MAPKBP1: variants seen among roughly 807,000 people sequenced by gnomAD.
MAPKBP1 encodes mitogen-activated protein kinase-binding protein 1.
MAPKBP1 carries 71 observed loss-of-function variants against 170.5 expected under a neutral mutation model. The observed-to-expected ratio is 0.42, with a 90% CI of 0.34 to 0.51. The LOEUF is 0.51. Ranked by LOEUF, MAPKBP1 falls within the 20% of genes least tolerant of loss-of-function variation. The pLI is 0.06. For missense variants in MAPKBP1, 1,598 were observed against 1,933.0 expected (o/e 0.83, Z 3.25); for synonymous variants, 719 against 757.9 (o/e 0.95, Z 0.84).
Position 41,818,102 on chromosome 15 carries a change from G to C in MAPKBP1, c.1980+18G>C. ...TCATTAAGGTAAGGACCCAGAGGGG[G>C]TACTGGACAGGGGCTCGGGGACAGA... is the stretch of plus-strand genomic sequence containing the variant. On this transcript the variant is annotated intron_variant, in intron 17 of 30. Coordinates refer to ENST00000457542, the MANE Select transcript of MAPKBP1 (RefSeq NM_014994.3). This position sits in a 1 kb window ranked among gnomAD's most constrained non-coding sequence, Gnocchi z 5.2. 6.2e-7 allele frequency: 1 copy of C among 1,613,644 alleles called. No individual in the cohort carries two copies. Among genetic ancestry groups the C allele is most frequent in the Admixed American group, 1.7e-5 (1 of 60,028 alleles).
chr15:41,794,525 A>T (rs1219434936), intron 2 of MAPKBP1, among the ~76,000 whole-genome samples: 2 of 152,198 alleles, frequency 1.3e-5, no homozygotes, highest in African/African-American at 4.8e-5. Flanking sequence ...TGTACCATTA[A>T]GTGCCCTTTC....
rs200972358 is a variant in MAPKBP1 at position 41,823,991 on chromosome 15, C to T, written c.4143C>T (p.Pro1381=). 1.2e-6 allele frequency: 2 copies of T among 1,613,534 alleles called. No homozygotes were observed. Among genetic ancestry groups the T allele is most frequent in the Admixed American group, 1.7e-5 (1 of 59,996 alleles). ...SLFQGPENLQ[P]PPPEKTPNPM... is the part of the protein sequence containing the mutation. ...TCCAAGGCCCTGAAAACTTGCAGCC[C>T]CCACCCCCTGAGAAGACTCCCAACC... The change falls in exon 29 of 31, where the codon CCC becomes CCT. Residue 1381 remains proline (P), a synonymous_variant. Transcript: ENST00000457542.
intron 2 of MAPKBP1, among the ~76,000 whole-genome samples, chr15:41,786,777 A>AAAAATATATATATATATATATATAT: frequency 3.4e-4 from 11 of 32,428 alleles, no homozygotes; most frequent in African/African-American, 1.2e-3. Context: ...AAAAAAAAAA[A>AAAAATATATATATATATATATATAT]ATATATATAT....
intron 5 of MAPKBP1, chr15:41,811,638 TA>T (rs1714259609): frequency 1.6e-6 from 1 of 620,566 alleles, no homozygotes; most frequent in Non-Finnish European, 3.0e-6. Flanking sequence ...GTAGTCTTAC[TA>T]GGGGCAGAAA....
intron 2 of MAPKBP1, among the ~76,000 whole-genome samples, chr15:41,784,312 C>G (rs1438052315): frequency 6.6e-6 from 1 of 152,126 alleles, no homozygotes; most frequent in Non-Finnish European, 1.5e-5. Flanking sequence ...TGCCTCATGA[C>G]AAACCTAGAA....
At position 41,823,234 on chromosome 15, in the gene MAPKBP1, G is replaced by C; in HGVS notation, c.3598+12G>C. On this transcript the variant is annotated intron_variant, in intron 28 of 30. Coordinates refer to ENST00000457542, the MANE Select transcript of MAPKBP1 (RefSeq NM_014994.3). ...TCTGGTGCCACAGGGTGAGAAGCCT[G>C]ATGGGTTCAGTGCCAGGGTGCAGGG... 6.2e-7 allele frequency: 1 copy of C among 1,610,348 alleles called. No individual in the cohort carries two copies. The highest frequency in any genetic ancestry group is 1.1e-5 in the South Asian group (1 of 90,828).
At chr15:41,800,623 CTG>C (rs1443059194) in intron 3 of MAPKBP1, among the ~76,000 whole-genome samples, 1 of 152,202 alleles carries the variant, frequency 6.6e-6, no homozygotes, top group East Asian at 1.9e-4. Context: ...GCGTGAGCCA[CTG>C]TGCCTGGCCC....
At position 41,819,555 on chromosome 15, in the gene MAPKBP1, G is replaced by GGGC. The variant is rs1555454092; in HGVS notation, c.2426-39_2426-37dup. 136 of 1,481,770 alleles carry GGGC rather than the reference G, an allele frequency of 9.2e-5. 3 individuals are homozygous for GGGC. Among genetic ancestry groups the GGGC allele is most frequent in the South Asian group, 8.2e-4 (71 of 86,150 alleles). The allele number at this position is 1,481,770 out of a possible 1,614,324, so 91.8% of individuals were successfully genotyped here. On this transcript the variant is annotated intron_variant, in intron 21 of 30. Coordinates refer to ENST00000457542, the MANE Select transcript of MAPKBP1 (RefSeq NM_014994.3). ...GCTCCAGGGTTGGGTGGCGGGGGGGGGGCAGGAGACACTTCCTCTGACTGC... is the reference window on the plus strand; with the variant it reads ...GCTCCAGGGTTGGGTGGCGGGGGGGGGGCGGCAGGAGACACTTCCTCTGACTGC...
Position 41,819,301 on chromosome 15 carries a change from A to G in MAPKBP1, c.2347A>G (p.Lys783Glu), listed in dbSNP as rs1232911924. The G allele has an allele frequency of 6.2e-7, 1 of 1,614,006 alleles. No individual in the cohort carries two copies. Among genetic ancestry groups the G allele is most frequent in the African/African-American group, 1.3e-5 (1 of 74,888 alleles). ...PGPALSSDSD[K>E]EGEDEGTEEE... ...ACCGGCTCTCTCATCAGACAGTGACAAGGAGGGAGAAGATGAGGGGACTGA... is the reference window on the plus strand; with the variant it reads ...ACCGGCTCTCTCATCAGACAGTGACGAGGAGGGAGAAGATGAGGGGACTGA... Residue 783 changes from lysine (K) to glutamate (E), a missense_variant, in exon 21 of 31, where the codon AAG becomes GAG. Lys to Glu is a moderately conservative substitution (Grantham distance 56, BLOSUM62 1). Around this residue, in one of 6 missense-constraint regions of MAPKBP1, gnomAD observed 942 missense variants for 953.2 expected, o/e 0.99. Transcript: ENST00000457542.
At position 41,816,923 on chromosome 15, in the gene MAPKBP1, A is replaced by G. The variant is rs1426994359; in HGVS notation, c.1599A>G (p.Leu533=). ...YSKPDTGLKL[L]ASASRDRLIH... is the part of the protein sequence containing the mutation. ...TTTCATCCCCAGGTCTGAAACTGCTAGCATCGGCGAGCCGGGACCGGCTGA... is the reference window on the plus strand; with the variant it reads ...TTTCATCCCCAGGTCTGAAACTGCTGGCATCGGCGAGCCGGGACCGGCTGA... Residue 533 remains leucine (L), a synonymous_variant, in exon 14 of 31, where the codon CTA becomes CTG. Transcript: ENST00000457542. 1.4e-5 allele frequency: 22 copies of G among 1,609,380 alleles called. No individual in the cohort carries two copies. Among genetic ancestry groups the G allele is most frequent in the Non-Finnish European group, 1.8e-5 (21 of 1,177,124 alleles).
At chr15:41,812,730 C>G in intron 7 of MAPKBP1, 77 bp downstream of exon 7, 8 of 1,510,762 alleles carry the variant, frequency 5.3e-6, no homozygotes, top group Non-Finnish European at 7.1e-6. Context: ...GACTCTGCCC[C>G]ACTTGGGCCT....
chr15:41,811,067 G>T, intron 4 of MAPKBP1, 111 bp from the exon 5 acceptor site: 1 of 1,514,780 alleles, frequency 6.6e-7, no homozygotes, highest in Admixed American at 1.7e-5. Flanking sequence ...AGATGGGGAA[G>T]TGCCACATGT....
At position 41,819,275 on chromosome 15, in the gene MAPKBP1, G is replaced by A; in HGVS notation, c.2321G>A (p.Gly774Glu). 6.2e-7 allele frequency: 1 copy of A among 1,614,102 alleles called. No homozygotes were observed. The highest frequency in any genetic ancestry group is 1.1e-5 in the South Asian group (1 of 91,074). The change falls in exon 21 of 31, where the codon GGA (glycine) becomes GAA (glutamate). Residue 774 changes from glycine (G) to glutamate (E), a missense_variant. Coordinates refer to ENST00000457542, the MANE Select transcript of MAPKBP1 (RefSeq NM_014994.3). Reference sequence around the variant, plus strand: ...CAGGCCCCATCAATGCTGTCTCCTGGACCGGCTCTCTCATCAGACAGTGAC... The same window carrying A: ...CAGGCCCCATCAATGCTGTCTCCTGAACCGGCTCTCTCATCAGACAGTGAC... ...RHQAPSMLSPGPALSSDSDKE... is the reference protein window; with the variant it reads ...RHQAPSMLSPEPALSSDSDKE...
chr15:41,803,153 G>A (rs11632424), intron 3 of MAPKBP1, among the ~76,000 whole-genome samples: 42,427 of 151,914 alleles, frequency 0.28, 7,040 homozygotes, highest in Admixed American at 0.36. Context: ...AGTGGCTCAC[G>A]CCTATAATCC....
At chr15:41,804,316 G>T (rs1007336623) in intron 3 of MAPKBP1, among the ~76,000 whole-genome samples, 1 of 152,248 alleles carries the variant, frequency 6.6e-6, no homozygotes, top group Non-Finnish European at 1.5e-5. Flanking sequence ...CAGTAAGGGT[G>T]CTGTGGGAGC....
intron 22 of MAPKBP1, among the ~76,000 whole-genome samples, chr15:41,819,990 C>T (rs1473376754): frequency 6.6e-6 from 1 of 152,104 alleles, no homozygotes; most frequent in Non-Finnish European, 1.5e-5. Context: ...ACAAAGGACC[C>T]CTAAGCCAGA....
Position 41,799,920 on chromosome 15 carries a change from T to C in MAPKBP1, c.206+6T>C, listed in dbSNP as rs1033525847. ...TTAGTTGCTTACCCAGCAGGGTAAG[T>C]AAGCGCCTTGGAAGAGATCTTGATG... is the stretch of plus-strand genomic sequence containing the variant. On this transcript the variant is annotated splice_donor_region_variant and intron_variant, in intron 3 of 30. Transcript: ENST00000457542. 5 of 1,612,890 alleles carry C rather than the reference T, an allele frequency of 3.1e-6. No homozygotes were observed. Among genetic ancestry groups the C allele is most frequent in the South Asian group, 2.2e-5 (2 of 91,056 alleles).
intron 2 of MAPKBP1, among the ~76,000 whole-genome samples, chr15:41,779,687 C>T (rs1186765217): frequency 7.9e-5 from 12 of 152,290 alleles, no homozygotes; most frequent in Non-Finnish European, 1.3e-4. Flanking sequence ...CTTGCCTCTG[C>T]GCCAGGCTCC....
chr15:41,806,092 G>A (rs1473641240), intron 3 of MAPKBP1, among the ~76,000 whole-genome samples: 3 of 152,114 alleles, frequency 2.0e-5, no homozygotes, highest in South Asian at 2.1e-4. Context: ...AGGGCCTATC[G>A]TCTAGGCCCT....
Sources: gnomAD v4.1 joint callset for allele counts (sites outside exome capture counted in the v4.1 genomes callset) on GRCh38, gnomAD v4.1.1 for gene constraint, gnomAD v4.1.1 regional missense constraint, Gnocchi (gnomAD v3.1) non-coding constraint, MANE v1.5 for transcripts, NCBI Gene and HGNC (gene_info 2026-07-23, HGNC 2026-07-21) for gene names.